Variants in TNFAIP3 observed in about 807,000 individuals in gnomAD.
TNFAIP3 encodes the protein tumor necrosis factor alpha-induced protein 3.
Under a neutral mutation model 72.4 loss-of-function variants are expected in TNFAIP3, and 9 were observed. The observed-to-expected ratio is 0.12, with a 90% CI of 0.07 to 0.22. The LOEUF (loss-of-function observed/expected upper bound fraction) is 0.22, where lower values mean the gene tolerates loss of function less well. Among genes scored for constraint, TNFAIP3 ranks in the 10% least tolerant of loss-of-function variants. The pLI, the probability that TNFAIP3 is intolerant of heterozygous loss-of-function variation, is 1.00. For missense variants in TNFAIP3, 833 were observed against 1,018.7 expected, an observed-to-expected ratio of 0.82 and a Z score of 2.48; for synonymous variants, 339 against 372.6, an observed-to-expected ratio of 0.91 and a Z score of 1.04.
rs1776464597 is a variant in TNFAIP3 at position 137,881,562 on chromosome 6, A to C, written c.*243A>C. 7.0e-6 allele frequency: 3 copies of C among 426,370 alleles called. No individual in the cohort carries two copies. Among genetic ancestry groups the C allele is most frequent in the Non-Finnish European group, 1.2e-5 (3 of 241,996 alleles). The allele number at this position is 426,370 out of a possible 1,614,324, so 26.4% of individuals were successfully genotyped here. ...CAAGGGATGATGTCAGATTCAGCCC[A>C]AGGTTCCTCCTCTCCTACCAAGCAG... is the stretch of plus-strand genomic sequence containing the variant. On this transcript the variant is annotated 3_prime_UTR_variant, in exon 9 of 9. Transcript: ENST00000612899. This position sits in a 1 kb window ranked among gnomAD's most constrained non-coding sequence, Gnocchi z 5.0.
chr6:137,874,722 C>T (rs1315612934), intron 2 of TNFAIP3, 123 bp from the exon 3 acceptor site: 6 of 894,754 alleles, frequency 6.7e-6, no homozygotes, highest in South Asian at 4.4e-5. Flanking sequence ...TAGGAAATTA[C>T]ATCAAATTAA....
Position 137,879,075 on chromosome 6 carries a change from A to G in TNFAIP3, c.1630A>G (p.Thr544Ala), listed in dbSNP as rs751311141. The G allele has an allele frequency of 3.7e-6, 6 of 1,614,108 alleles. No homozygotes were observed. The highest frequency in any genetic ancestry group is 5.1e-6 in the Non-Finnish European group (6 of 1,180,048). Residue 544 changes from threonine (T) to alanine (A), a missense_variant, in exon 7 of 9, where the codon ACA (threonine) becomes GCA (alanine). This residue lies in a region of TNFAIP3 where 587 missense variants were observed against 657.8 expected (regional missense o/e 0.89). Transcript: ENST00000612899. ...GICSTCFKRT[T>A]AEASSSLSTS... ...CTGCAGTACTTGCTTCAAAAGGACT[A>G]CAGCAGAGGCCTCCTCCAGCCTCAG...
In TNFAIP3 at chr6:137,881,085, G is replaced by A; in HGVS notation, c.2139G>A (p.Arg713=). 6.2e-7 allele frequency: 1 copy of A among 1,613,794 alleles called. No individual in the cohort carries two copies. Residue 713 remains arginine (R), a synonymous_variant, in exon 9 of 9, where the codon AGG becomes AGA. Transcript: ENST00000612899. This position sits in a 1 kb window ranked among gnomAD's most constrained non-coding sequence, Gnocchi z 5.0. Reference sequence around the variant, plus strand: ...CTCGAACCACACAAAGCACCTCAAGGCCCAAGTGCGCCCGGGCCTCCTGCA... The same window carrying A: ...CTCGAACCACACAAAGCACCTCAAGACCCAAGTGCGCCCGGGCCTCCTGCA... The part of the protein sequence containing the change: ...DVPRTTQSTS[R]PKCARASCKN...
chr6:137,879,988 C>T, intron 7 of TNFAIP3, 83 bp from the exon 8 acceptor site: 2 of 1,217,462 alleles, frequency 1.6e-6, no homozygotes, highest in South Asian at 2.6e-5. Flanking sequence ...GTATTTGGAA[C>T]CCATTTATTT....
At position 137,870,721 on chromosome 6, in the gene TNFAIP3, C is replaced by A. The variant is rs569941014; in HGVS notation, c.-15-492C>A. 3.9e-5 allele frequency among the ~76,000 whole-genome samples: 6 copies of A among 152,266 alleles called. No homozygotes were observed. In the East Asian group the frequency reaches 1.2e-3, roughly 29 times the overall value. On this transcript the variant is annotated intron_variant, in intron 1 of 8. Transcript: ENST00000612899. ...TTCCAGCATAGGGAGGGAGTGATAACTCAAGAGTTTGCCCAAGAGCAGGAG... is the reference window on the plus strand; with the variant it reads ...TTCCAGCATAGGGAGGGAGTGATAAATCAAGAGTTTGCCCAAGAGCAGGAG...
Position 137,879,250 on chromosome 6 carries a change from C to A in TNFAIP3, c.1805C>A (p.Thr602Lys), listed in dbSNP as rs760531232. ...SQAARTPGDR[T>K]GTSKCRKAGC... ...GCTGCACGGACTCCTGGGGACAGGA[C>A]GGGGACGAGCAAGTGCAGAAAAGCC... Residue 602 changes from threonine (T) to lysine (K), a missense_variant, in exon 7 of 9, where the codon ACG becomes AAG. This residue lies in a region of TNFAIP3 where 587 missense variants were observed against 657.8 expected (regional missense o/e 0.89). Coordinates refer to ENST00000612899, the MANE Select transcript of TNFAIP3 (RefSeq NM_001270508.2). 1.2e-6 allele frequency: 2 copies of A among 1,614,186 alleles called. No homozygotes were observed. The highest frequency in any genetic ancestry group is 1.7e-6 in the Non-Finnish European group (2 of 1,180,030).
rs1776077552 is a variant in TNFAIP3, at chr6:137,871,931, C to T, written c.295+409C>T. ...TGGTAGTACATTTGTTTCCCACTGT[C>T]ATTAGAAAATGCTTGTGATGTTCTT... On this transcript the variant is annotated intron_variant, in intron 2 of 8. Transcript: ENST00000612899. This position sits in a 1 kb window ranked among gnomAD's most constrained non-coding sequence, Gnocchi z 4.2. 6.6e-6 allele frequency among the ~76,000 whole-genome samples: 1 copy of T among 152,180 alleles called. No individual in the cohort carries two copies. The highest frequency in any genetic ancestry group is 2.1e-4 in the South Asian group (1 of 4,826).
At chr6:137,874,481 T>C (rs1275465921) in intron 2 of TNFAIP3, among the ~76,000 whole-genome samples, 1 of 152,186 alleles carries the variant, frequency 6.6e-6, no homozygotes, top group Non-Finnish European at 1.5e-5. Context: ...TAGGAAGGGA[T>C]AGGGCTTTAG....
chr6:137,875,950 G>A (rs2114484231), intron 4 of TNFAIP3, 46 bp from the exon 5 acceptor site: 1 of 1,599,888 alleles, frequency 6.3e-7, no homozygotes, highest in Non-Finnish European at 8.5e-7. Flanking sequence ...GGAATTTGAT[G>A]AAAGTCACCT....
rs1448810258 is a variant in TNFAIP3 at position 137,871,708 on chromosome 6, T to C, written c.295+186T>C. Reference sequence around the variant, plus strand: ...AGCAGACTTGTTTTGTGAATCTATTTATTAAGGATATTTTCTGATTGTGTA... The same window carrying C: ...AGCAGACTTGTTTTGTGAATCTATTCATTAAGGATATTTTCTGATTGTGTA... On this transcript the variant is annotated intron_variant, in intron 2 of 8. Transcript: ENST00000612899. The surrounding 1 kb of genome is among the most constrained non-coding windows in gnomAD (Gnocchi z 4.2). Among the ~76,000 whole-genome samples, 2 of 152,240 alleles carry C rather than the reference T, an allele frequency of 1.3e-5. No homozygotes were observed. The highest frequency in any genetic ancestry group is 2.9e-5 in the Non-Finnish European group (2 of 68,040).
At chr6:137,874,658 C>T (rs1037741995) in intron 2 of TNFAIP3, among the ~76,000 whole-genome samples, 187 bp from the exon 3 acceptor site, 8 of 152,198 alleles carry the variant, frequency 5.3e-5, no homozygotes, top group African/African-American at 1.9e-4. Flanking sequence ...ATAAAAAGAA[C>T]TCTTTTTTTC....
At chr6:137,877,277 T>C in intron 6 of TNFAIP3, 21 bp downstream of exon 6, 2 of 1,595,608 alleles carry the variant, frequency 1.3e-6, no homozygotes, top group Non-Finnish European at 1.7e-6. Flanking sequence ...TATGTTCAGC[T>C]CTCTCCTGTG....
At chr6:137,867,052 C>A (rs1352051743), upstream of TNFAIP3, 2 of 12,002 alleles carry the variant, frequency 1.7e-4, no homozygotes, top group Non-Finnish European at 3.5e-4. The surrounding 1 kb of genome is among the most constrained non-coding windows in gnomAD (Gnocchi z 6.0). Flanking sequence ...GGCGGGGCAG[C>A]GGGGCGGGGC....
chr6:137,874,713 A>T, intron 2 of TNFAIP3, 132 bp from the exon 3 acceptor site: 1 of 810,376 alleles, frequency 1.2e-6, no homozygotes, highest in Non-Finnish European at 1.8e-6. Context: ...GCCCTTGACT[A>T]GGAAATTACA....
intron 5 of TNFAIP3, among the ~76,000 whole-genome samples, chr6:137,876,750 G>A (rs1776262936): frequency 1.3e-5 from 2 of 152,166 alleles, no homozygotes; most frequent in South Asian, 4.1e-4. Flanking sequence ...GCTCAGAGAG[G>A]TCAACTAACC....
At position 137,878,813 on chromosome 6, in the gene TNFAIP3, G is replaced by C. The variant is rs201600532; in HGVS notation, c.1368G>C (p.Gly456=). 2.8e-4 allele frequency: 451 copies of C among 1,614,090 alleles called. No homozygotes were observed. Among genetic ancestry groups the C allele is most frequent in the Non-Finnish European group, 3.6e-4 (420 of 1,180,040 alleles). Residue 456 remains glycine (G), a synonymous_variant, in exon 7 of 9, where the codon GGG becomes GGC. Coordinates refer to ENST00000612899, the MANE Select transcript of TNFAIP3 (RefSeq NM_001270508.2). The part of the protein sequence containing the change: ...LAWNPEESTG[G]PHSAPPTAPS... The stretch of plus-strand genomic sequence containing the variant: ...GGAACCCTGAGGAGTCCACTGGGGG[G>C]CCTCATTCGGCCCCACCGACAGCAC...
At chr6:137,875,167 A>G (rs1385329583) in intron 3 of TNFAIP3, 132 bp downstream of exon 3, 13 of 1,040,344 alleles carry the variant, frequency 1.2e-5, no homozygotes, top group Non-Finnish European at 1.7e-5. Flanking sequence ...AAGCATACTC[A>G]ATGGAAAACA....
At chr6:137,875,452 A>G (rs1169632455) in intron 3 of TNFAIP3, among the ~76,000 whole-genome samples, 3 of 152,034 alleles carry the variant, frequency 2.0e-5, no homozygotes, top group Non-Finnish European at 2.9e-5. Flanking sequence ...TTTTTTTTTA[A>G]AGCAGGTGCT....
At chr6:137,876,394 G>T in intron 5 of TNFAIP3, 2 of 464,838 alleles carry the variant, frequency 4.3e-6, no homozygotes, top group South Asian at 2.9e-5. Context: ...AAATTAAGGC[G>T]CACAGTGCTC....
Sources: gnomAD v4.1 joint callset for allele counts (sites outside exome capture counted in the v4.1 genomes callset) on GRCh38, gnomAD v4.1.1 for gene constraint, gnomAD v4.1.1 regional missense constraint, Gnocchi (gnomAD v3.1) non-coding constraint, MANE v1.5 for transcripts, NCBI Gene and HGNC (gene_info 2026-07-23, HGNC 2026-07-21) for gene names.